MYOM3: variants seen among roughly 807,000 people sequenced by gnomAD.
The protein encoded by MYOM3 is myomesin 3.
Under a neutral mutation model 191.7 loss-of-function variants are expected in MYOM3, and 155 were observed. The ratio of observed to expected loss-of-function variants is 0.81; its 90% CI spans 0.71 to 0.92. The LOEUF (loss-of-function observed/expected upper bound fraction) is 0.92. Ranked by LOEUF, MYOM3 falls within the 40% of genes least tolerant of loss-of-function variation. The pLI, the probability that MYOM3 is intolerant of heterozygous loss-of-function variation, is 0.00. For synonymous variants in MYOM3, 757 were observed against 762.9 expected, an observed-to-expected ratio of 0.99 and a Z score of 0.13; for missense variants, 1,889 against 1,890.6, an observed-to-expected ratio of 1.00 and a Z score of 0.02.
intron 1 of MYOM3, among the ~76,000 whole-genome samples, chr1:24,110,589 C>T (rs941812020): frequency 6.6e-6 from 1 of 152,018 alleles, no homozygotes; most frequent in Non-Finnish European, 1.5e-5. Context: ...TAGAAGTTTG[C>T]TCCTTTTGGG....
chr1:24,097,965 C>T lies in MYOM3; in HGVS notation c.703G>A (p.Ala235Thr), dbSNP rs377661813. Residue 235 changes from alanine (A) to threonine (T), a missense_variant, in exon 7 of 37, where the codon GCC becomes ACC. By Grantham distance (58) the Ala-to-Thr change is moderately conservative (BLOSUM62 0). Transcript: ENST00000374434. ...GCGAAGGAGGAGGCCTGGCCGTGGG[C>T]GTTCTTCACTCGCACAGTGTAAGTT... The part of the protein sequence containing the change: ...SATYTVRVKN[A>T]HGQASSFAKV... 46 of 1,613,860 alleles carry T rather than the reference C, an allele frequency of 2.9e-5. No homozygotes were observed. Among genetic ancestry groups the T allele is most frequent in the Non-Finnish European group, 3.4e-5 (40 of 1,179,826 alleles).
rs1570881312 is a variant in MYOM3 at position 24,094,961 on chromosome 1, T to G, written c.820A>C (p.Thr274Pro). 1 of 1,613,514 alleles carries G rather than the reference T, an allele frequency of 6.2e-7. No individual in the cohort carries two copies. The highest frequency in any genetic ancestry group is 2.2e-5 in the East Asian group (1 of 44,864). ...RSTFGPSVEF[T>P]SVLKPVFARE... ...GCAAAGACTGGCTTCAGCACCGAGG[T>G]GAATTCCACGCTGGGGCCAAACGTC... The change falls in exon 9 of 37, where the codon ACC (threonine) becomes CCC (proline). Residue 274 changes from threonine (T) to proline (P), a missense_variant. By Grantham distance (38) the Thr-to-Pro change is conservative. Transcript: ENST00000374434.
intron 5 of MYOM3, 119 bp downstream of exon 5, chr1:24,105,801 G>T (rs1570889169): frequency 1.9e-6 from 2 of 1,048,730 alleles, no homozygotes; most frequent in Non-Finnish European, 2.7e-6. Context: ...CTATTCGGTG[G>T]GTGGACAGAG....
At position 24,087,508 on chromosome 1, in the gene MYOM3, C is replaced by T. The variant is rs1027719593; in HGVS notation, c.1615-681G>A. On this transcript the variant is annotated intron_variant, in intron 14 of 36. Transcript: ENST00000374434. This position sits in a 1 kb window ranked among gnomAD's most constrained non-coding sequence, Gnocchi z 4.5. ...TTCCCTCTGCCCTTAGTCTCTGTGC[C>T]TCTCTGCTGTTTCCTGAGGGTCCAA... Among the ~76,000 whole-genome samples, 2 of 152,208 alleles carry T rather than the reference C, an allele frequency of 1.3e-5. No homozygotes were observed. Among genetic ancestry groups the T allele is most frequent in the Non-Finnish European group, 2.9e-5 (2 of 68,040 alleles).
chr1:24,068,093 G>A (rs1570856576), intron 26 of MYOM3, 64 bp from the exon 27 acceptor site: 2 of 1,592,724 alleles, frequency 1.3e-6, no homozygotes, highest in East Asian at 2.2e-5. Flanking sequence ...GAGGGGACAT[G>A]GGGTGGACAG....
chr1:24,059,833 G>A (rs1365366647), intron 35 of MYOM3, among the ~76,000 whole-genome samples: 1 of 152,158 alleles, frequency 6.6e-6, no homozygotes, highest in Non-Finnish European at 1.5e-5. Context: ...GAAGCTGTGG[G>A]AACAGGACGG....
intron 28 of MYOM3, 104 bp from the exon 29 acceptor site, chr1:24,066,105 AC>A: frequency 1.3e-6 from 1 of 793,366 alleles, no homozygotes; most frequent in Non-Finnish European, 2.3e-6. Flanking sequence ...CCTTTCACAT[AC>A]CATGTGTCTC....
At position 24,090,048 on chromosome 1, in the gene MYOM3, G is replaced by C; in HGVS notation, c.1486+17C>G. 2 of 1,612,654 alleles carry C rather than the reference G, an allele frequency of 1.2e-6. No individual in the cohort carries two copies. Among genetic ancestry groups the C allele is most frequent in the Non-Finnish European group, 1.7e-6 (2 of 1,178,638 alleles). ...GAACTATACAGGAGGCCCAGTGTGT[G>C]GGAGGATCCCGCGTACCTTCAAAAG... On this transcript the variant is annotated intron_variant, in intron 13 of 36. Transcript: ENST00000374434.
chr1:24,107,763 C>T lies in MYOM3; in HGVS notation c.242+230G>A, dbSNP rs531605645. On this transcript the variant is annotated intron_variant, in intron 3 of 36. Transcript: ENST00000374434. ...TGTTGGTGAAGTAGGCCCCTACCCTCTTCCTTGGGAACAGTCCCCCGCTAT... is the reference window on the plus strand; with the variant it reads ...TGTTGGTGAAGTAGGCCCCTACCCTTTTCCTTGGGAACAGTCCCCCGCTAT... Among the ~76,000 whole-genome samples the T allele has an allele frequency of 2.9e-4, 44 of 152,364 alleles. No individual in the cohort carries two copies. In the East Asian group the frequency reaches 8.1e-3, roughly 28 times the overall value.
In MYOM3 at chr1:24,075,339, C is replaced by G. The variant is rs2148547914; in HGVS notation, c.2838G>C (p.Lys946Asn). 6.2e-7 allele frequency: 1 copy of G among 1,612,676 alleles called. No homozygotes were observed. The highest frequency in any genetic ancestry group is 2.2e-5 in the East Asian group (1 of 44,878). ...CTTACTTGTTAACTTTATCCTCGAT[C>G]TTGACCCTCTGGGGGTCCAGTGGGC... ...YKGPLDPQRV[K>N]IEDKVNKSKV... Residue 946 changes from lysine to asparagine, a missense_variant, in exon 22 of 37, where the codon AAG (lysine) becomes AAC (asparagine). Lys to Asn is a moderately conservative substitution (Grantham distance 94, BLOSUM62 0). Transcript: ENST00000374434.
At chr1:24,078,675 C>T (rs951227009) in intron 20 of MYOM3, among the ~76,000 whole-genome samples, 11 of 152,166 alleles carry the variant, frequency 7.2e-5, no homozygotes, top group Non-Finnish European at 1.6e-4. Flanking sequence ...AAAATGGAAA[C>T]TAATCCACAT....
intron 28 of MYOM3, 27 bp downstream of exon 28, chr1:24,066,994 C>A (rs757799306): frequency 6.4e-7 from 1 of 1,554,102 alleles, no homozygotes; most frequent in Non-Finnish European, 8.7e-7. Flanking sequence ...TGCACTGGGC[C>A]TGGGGGCAGG....
At chr1:24,065,489 G>C (rs958288645) in intron 29 of MYOM3, among the ~76,000 whole-genome samples, 50 of 152,154 alleles carry the variant, frequency 3.3e-4, no homozygotes, top group African/African-American at 1.1e-3. Flanking sequence ...CTAGACTGTT[G>C]GGGCAGGAAG....
At chr1:24,095,378 T>A (rs1384676564) in intron 8 of MYOM3, 64 bp downstream of exon 8, 4 of 1,483,722 alleles carry the variant, frequency 2.7e-6, no homozygotes, top group Non-Finnish European at 2.8e-6. Context: ...ACAGGGACTG[T>A]GGGGGTCGGG....
At chr1:24,095,937 C>T (rs560983957) in intron 7 of MYOM3, among the ~76,000 whole-genome samples, 6 of 152,152 alleles carry the variant, frequency 3.9e-5, no homozygotes, top group Non-Finnish European at 7.4e-5. Flanking sequence ...CCACAGACCA[C>T]CAGAGAATAG....
intron 5 of MYOM3, among the ~76,000 whole-genome samples, chr1:24,105,471 C>G (rs1030085200): frequency 6.6e-6 from 1 of 152,262 alleles, no homozygotes; most frequent in African/African-American, 2.4e-5. Flanking sequence ...TCACCGTCAT[C>G]CTCAACCCTG....
At chr1:24,107,006 G>T in intron 4 of MYOM3, 67 bp downstream of exon 4, 1 of 1,459,470 alleles carries the variant, frequency 6.9e-7, no homozygotes. Flanking sequence ...TGGGAAGGGG[G>T]TGAGGATGGC....
chr1:24,074,661 T>G (rs1341440156), intron 22 of MYOM3, among the ~76,000 whole-genome samples: 1 of 152,188 alleles, frequency 6.6e-6, no homozygotes, highest in East Asian at 1.9e-4. Context: ...ATGAAGAACC[T>G]GAGTACAGAG....
chr1:24,077,978 T>G (rs1344397901), intron 20 of MYOM3, among the ~76,000 whole-genome samples: 1 of 152,226 alleles, frequency 6.6e-6, no homozygotes, highest in African/African-American at 2.4e-5. Context: ...TATTTTAATT[T>G]TTTCCGATTA....
Sources: allele counts gnomAD v4.1 joint callset (sites outside exome capture counted in the v4.1 genomes callset), GRCh38; gene constraint gnomAD v4.1.1; non-coding constraint Gnocchi (gnomAD v3.1); transcripts MANE v1.5; gene names NCBI Gene and HGNC (gene_info 2026-07-23, HGNC 2026-07-21).